Variants in LOC400499 observed in about 807,000 individuals in gnomAD.
At chr16:11,474,611 T>A in the LOC400499 span, among the ~76,000 whole-genome samples, 1 of 152,022 alleles carries the variant, frequency 6.6e-6, no homozygotes, top group Admixed American at 6.6e-5. Flanking sequence ...TGTAATCCCA[T>A]TACTTTGAGA....
the LOC400499 span, among the ~76,000 whole-genome samples, chr16:11,428,558 T>C: frequency 1.3e-5 from 2 of 152,304 alleles, no homozygotes; most frequent in Admixed American, 6.5e-5. Flanking sequence ...GGTGGGAATG[T>C]AGTAATGAGA....
the LOC400499 span, among the ~76,000 whole-genome samples, chr16:11,447,657 C>T: frequency 1.3e-5 from 2 of 151,962 alleles, no homozygotes; most frequent in African/African-American, 4.8e-5. Flanking sequence ...TGAATGAGCT[C>T]GTCTCTGGGA....
At chr16:11,393,608 C>T in the LOC400499 span, 2 of 1,226,796 alleles carry the variant, frequency 1.6e-6, no homozygotes, top group African/African-American at 3.1e-5. Context: ...CCACCTGTCC[C>T]TGGTCTCTCC....
chr16:11,488,771 C>A, the LOC400499 span: 6 of 398,892 alleles, frequency 1.5e-5, no homozygotes, highest in Non-Finnish European at 2.7e-5. Flanking sequence ...GAACTCCTGG[C>A]TGAGGATGTC....
the LOC400499 span, chr16:11,439,725 C>T: frequency 1.8e-5 from 7 of 394,134 alleles, no homozygotes; most frequent in Admixed American, 4.4e-5. Flanking sequence ...TATTCCTCAG[C>T]CCTCAATCTT....
the LOC400499 span, chr16:11,384,270 C>T: frequency 1.6e-6 from 2 of 1,232,304 alleles, no homozygotes; most frequent in Non-Finnish European, 2.0e-6. Flanking sequence ...CATCCGGCAA[C>T]ATCAGCTCAT....
At chr16:11,434,118 C>T in the LOC400499 span, among the ~76,000 whole-genome samples, 785 of 152,162 alleles carry the variant, frequency 5.2e-3, 3 homozygotes, top group African/African-American at 0.018. Context: ...GAAGCCCTCC[C>T]GAGCCACTCC....
the LOC400499 span, chr16:11,383,786 G>GAAATCA: frequency 1.6e-6 from 2 of 1,232,200 alleles, no homozygotes; most frequent in Non-Finnish European, 2.0e-6. Context: ...GGGTCTACCT[G>GAAATCA]AAATCAGGGA....
the LOC400499 span, among the ~76,000 whole-genome samples, chr16:11,501,412 C>T: frequency 6.4e-3 from 978 of 152,290 alleles, 10 homozygotes; most frequent in African/African-American, 0.023. Flanking sequence ...GGCTGCAGTG[C>T]AGTGGTGCGA....
the LOC400499 span, among the ~76,000 whole-genome samples, chr16:11,418,222 T>A: frequency 6.6e-6 from 1 of 152,132 alleles, no homozygotes; most frequent in Non-Finnish European, 1.5e-5. Flanking sequence ...GCCCTGCCTG[T>A]TTGTCAGAGG....
the LOC400499 span, chr16:11,475,638 C>T: frequency 5.0e-6 from 2 of 399,096 alleles, no homozygotes; most frequent in Non-Finnish European, 8.8e-6. Flanking sequence ...CTCACCAGTA[C>T]AGGACTGGAC....
the LOC400499 span, chr16:11,476,783 C>A: frequency 2.5e-6 from 1 of 399,402 alleles, no homozygotes; most frequent in Non-Finnish European, 4.4e-6. Context: ...AGCAGCTCCA[C>A]GGCCTCCTCA....
the LOC400499 span, chr16:11,431,315 C>T: frequency 4.7e-3 from 1,857 of 398,540 alleles, 16 homozygotes; most frequent in Non-Finnish European, 4.1e-3. Context: ...TGCTCACTAA[C>T]AGGATGACCT....
the LOC400499 span, chr16:11,461,242 G>A: frequency 8.4e-7 from 1 of 1,190,588 alleles, no homozygotes; most frequent in South Asian, 1.6e-5. Context: ...TCCTTGAAGA[G>A]CCAACATGTG....
At chr16:11,456,854 C>G in the LOC400499 span, 1 of 1,536,288 alleles carries the variant, frequency 6.5e-7, no homozygotes, top group Non-Finnish European at 8.7e-7. Flanking sequence ...ACAGCCAACA[C>G]TCACCTTCCC....
At chr16:11,431,218 A>T in the LOC400499 span, 1 of 398,904 alleles carries the variant, frequency 2.5e-6, no homozygotes, top group Non-Finnish European at 4.4e-6. Context: ...TGCCTTGGAA[A>T]ACAGCCAAAT....
chr16:11,477,616 G>A, the LOC400499 span, among the ~76,000 whole-genome samples: 1 of 152,360 alleles, frequency 6.6e-6, no homozygotes, highest in South Asian at 2.1e-4. Context: ...CCTTGAACAT[G>A]TGACTGGACC....
the LOC400499 span, among the ~76,000 whole-genome samples, chr16:11,420,388 G>C: frequency 7.4e-6 from 1 of 135,056 alleles, no homozygotes. Flanking sequence ...GATGGGAATT[G>C]AACAATGAGA....
At chr16:11,383,358 T>C in the LOC400499 span, among the ~76,000 whole-genome samples, 12 of 152,154 alleles carry the variant, frequency 7.9e-5, no homozygotes, top group Non-Finnish European at 1.5e-4. Context: ...TGAGCCACCG[T>C]GCCCAGCCTT....
Sources: allele counts gnomAD v4.1 joint callset (sites outside exome capture counted in the v4.1 genomes callset), GRCh38; gene constraint gnomAD v4.1.1; transcripts MANE v1.5.